The following MARVELD3 variants were observed in gnomAD, a reference collection of about 807,000 sequenced individuals.
MARVELD3 encodes the protein MARVEL domain-containing protein 3.
In MARVELD3, 28 loss-of-function variants were observed where a neutral mutation model predicts 33.5. The observed-to-expected ratio is 0.84, with a 90% CI of 0.62 to 1.15. MARVELD3 has a LOEUF of 1.15. MARVELD3 is among the 50% of genes most tolerant of loss of function. MARVELD3 has a pLI of 0.00. For missense variants in MARVELD3, 582 were observed against 547.6 expected (o/e 1.06, Z -0.63); for synonymous variants, 241 against 230.4 (o/e 1.05, Z -0.42).
At position 71,634,379 on chromosome 16, in the gene MARVELD3, A is replaced by C; in HGVS notation, c.782A>C (p.Gln261Pro). The C allele has an allele frequency of 6.2e-7, 1 of 1,614,226 alleles. No homozygotes were observed. The highest frequency in any genetic ancestry group is 1.1e-5 in the South Asian group (1 of 91,088). Residue 261 changes from glutamine to proline, a missense_variant, in exon 3 of 3, where the codon CAG becomes CCG. Transcript: ENST00000268485. ...DGEKAQQLDV[Q>P]FYQLKLPMVT... Reference sequence around the variant, plus strand: ...GAGAAGGCCCAGCAACTGGATGTCCAGTTCTACCAGCTAAAGCTGCCCATG... The same window carrying C: ...GAGAAGGCCCAGCAACTGGATGTCCCGTTCTACCAGCTAAAGCTGCCCATG...
downstream of MARVELD3, chr16:71,640,742 AG>A: frequency 1.2e-6 from 2 of 1,614,228 alleles, no homozygotes; most frequent in Non-Finnish European, 1.7e-6. Flanking sequence ...GCTACTGCAC[AG>A]GCATTGGTGT....
chr16:71,629,644 A>T (rs2145274198), intron 2 of MARVELD3, 150 bp downstream of exon 2: 1 of 319,598 alleles, frequency 3.1e-6, no homozygotes, highest in Non-Finnish European at 5.0e-6. Flanking sequence ...TGTTTTCTTA[A>T]AAAAAAAAAA....
intron 1 of MARVELD3, among the ~76,000 whole-genome samples, chr16:71,627,634 C>A (rs2145270832): frequency 6.6e-6 from 1 of 152,272 alleles, no homozygotes; most frequent in Admixed American, 6.5e-5. Flanking sequence ...TAGGCAGCGT[C>A]ATTCGAATCC....
chr16:71,634,997 T>G lies in MARVELD3; in HGVS notation c.*194T>G. On this transcript the variant is annotated 3_prime_UTR_variant, in exon 3 of 3. Transcript: ENST00000268485. ...CAACAGACCCTGGCTTCTGGAGTCC[T>G]CTGTGAGTGAGGGACCAATCAAAAT... 1 of 1,362,516 alleles carries G rather than the reference T, an allele frequency of 7.3e-7. No individual in the cohort carries two copies. Among genetic ancestry groups the G allele is most frequent in the Non-Finnish European group, 9.4e-7 (1 of 1,058,964 alleles). 84.4% of individuals were successfully genotyped at this position (1,362,516 alleles called of 1,614,324 possible). A position where few individuals can be genotyped will look rare whatever the true frequency, so the allele number is the denominator to read the frequency against.
downstream of MARVELD3, chr16:71,640,415 C>G: frequency 1.2e-6 from 2 of 1,614,060 alleles, no homozygotes; most frequent in Non-Finnish European, 1.7e-6. Context: ...TGGAGGTGGT[C>G]TTGAATGGGA....
At chr16:71,641,940 AAAT>A (rs1344667939) in exon 3 of MARVELD3, 1 of 152,204 alleles carries the variant, frequency 6.6e-6, no homozygotes, top group African/African-American at 2.4e-5. Flanking sequence ...TGAATCTTAA[AAAT>A]AAAGTTCTTT....
At chr16:71,633,819 G>A (rs2044555630) in intron 2 of MARVELD3, among the ~76,000 whole-genome samples, 1 of 152,070 alleles carries the variant, frequency 6.6e-6, no homozygotes, top group East Asian at 1.9e-4. Flanking sequence ...TTACAGGCGT[G>A]AGCCACCTCG....
intron 1 of MARVELD3, 117 bp from the exon 2 acceptor site, chr16:71,629,250 C>A: frequency 8.3e-7 from 1 of 1,199,142 alleles, no homozygotes; most frequent in African/African-American, 1.6e-5. Context: ...AATACCGGGA[C>A]AAATTCTATT....
chr16:71,640,560 G>T, downstream of MARVELD3: 1 of 1,614,208 alleles, frequency 6.2e-7, no homozygotes, highest in Non-Finnish European at 8.5e-7. Context: ...TCGGCAGCTG[G>T]ACCAGCAGTA....
chr16:71,634,280 G>C lies in MARVELD3; in HGVS notation c.683G>C (p.Gly228Ala), dbSNP rs867298559. The change falls in exon 3 of 3, where the codon GGC becomes GCC. Residue 228 changes from glycine (G) to alanine (A), a missense_variant. By Grantham distance (60) the Gly-to-Ala change is moderately conservative. Coordinates refer to ENST00000268485, the MANE Select transcript of MARVELD3 (RefSeq NM_052858.6). Reference protein sequence around the residue: ...VSYSSTGGYTGITSLGGIYYY... With the variant: ...VSYSSTGGYTAITSLGGIYYY... The stretch of plus-strand genomic sequence containing the variant: ...TACAGTTCCACAGGGGGCTACACGG[G>C]CATCACCAGCTTGGGGGGCATTTAC... 6.2e-7 allele frequency: 1 copy of C among 1,614,078 alleles called. No individual in the cohort carries two copies. The highest frequency in any genetic ancestry group is 8.5e-7 in the Non-Finnish European group (1 of 1,180,048).
chr16:71,641,009 G>C, downstream of MARVELD3: 1 of 1,608,304 alleles, frequency 6.2e-7, no homozygotes, highest in Admixed American at 1.7e-5. Flanking sequence ...CGGAATATCT[G>C]TGGTCTGGAA....
At position 71,635,785 on chromosome 16, in the gene MARVELD3, G is replaced by C. The variant is rs1375132077; in HGVS notation, c.*982G>C. 1.0e-6 allele frequency: 1 copy of C among 985,212 alleles called. No individual in the cohort carries two copies. The allele number at this position is 985,212 out of a possible 1,614,324, so 61.0% of individuals were successfully genotyped here. On this transcript the variant is annotated 3_prime_UTR_variant, in exon 3 of 3. Coordinates refer to ENST00000268485, the MANE Select transcript of MARVELD3 (RefSeq NM_052858.6). ...GCAAATGGAGGGGGTGGGGACTCTT[G>C]GGAAACTACTCCTGTAAAATTGAAG...
chr16:71,631,654 G>T (rs2044535222), intron 2 of MARVELD3, among the ~76,000 whole-genome samples: 1 of 152,024 alleles, frequency 6.6e-6, no homozygotes, highest in African/African-American at 2.4e-5. Flanking sequence ...TACCATGTTG[G>T]CCAGGCCGGT....
rs1597078023 is a variant in MARVELD3, at chr16:71,635,053, C to T, written c.*250C>T. 1 of 1,165,466 alleles carries T rather than the reference C, an allele frequency of 8.6e-7. No individual in the cohort carries two copies. Among genetic ancestry groups the T allele is most frequent in the South Asian group, 2.4e-5 (1 of 42,276 alleles). The allele number at this position is 1,165,466 out of a possible 1,614,324, so 72.2% of individuals were successfully genotyped here. On this transcript the variant is annotated 3_prime_UTR_variant, in exon 3 of 3. Transcript: ENST00000268485. Reference sequence around the variant, plus strand: ...TTCAAAAAGCAAAAAAATGGCCGGCCTCGGCGGCTCACACCTGTAACCCCA... The same window carrying T: ...TTCAAAAAGCAAAAAAATGGCCGGCTTCGGCGGCTCACACCTGTAACCCCA...
intron 1 of MARVELD3, among the ~76,000 whole-genome samples, chr16:71,627,546 A>C (rs1167873403): frequency 2.0e-5 from 3 of 151,920 alleles, no homozygotes; most frequent in Non-Finnish European, 4.4e-5. Context: ...TACATTTTTA[A>C]CCAAAGAACA....
At chr16:71,628,087 T>C (rs2044493220) in intron 1 of MARVELD3, among the ~76,000 whole-genome samples, 1 of 152,166 alleles carries the variant, frequency 6.6e-6, no homozygotes, top group Admixed American at 6.5e-5. Flanking sequence ...TTATGTTACA[T>C]TATCTAAAAC....
intron 2 of MARVELD3, among the ~76,000 whole-genome samples, chr16:71,633,248 G>A (rs2044549690): frequency 6.6e-6 from 1 of 152,026 alleles, no homozygotes; most frequent in Non-Finnish European, 1.5e-5. Flanking sequence ...TGTAGTCCCA[G>A]CTATGTGGGA....
chr16:71,633,039 A>G (rs1047614784), intron 2 of MARVELD3, among the ~76,000 whole-genome samples: 1 of 152,104 alleles, frequency 6.6e-6, no homozygotes, highest in African/African-American at 2.4e-5. Flanking sequence ...CTCTCCCCTT[A>G]CAAATTGTAT....
chr16:71,634,481 T>C lies in MARVELD3; in HGVS notation c.884T>C (p.Val295Ala), dbSNP rs369346859. The C allele has an allele frequency of 1.4e-4, 223 of 1,614,178 alleles. 5 individuals carry two copies. Among genetic ancestry groups the C allele is most frequent in the South Asian group, 1.4e-3 (124 of 91,076 alleles). Residue 295 changes from valine to alanine, a missense_variant, in exon 3 of 3, where the codon GTC becomes GCC. By Grantham distance (64) the Val-to-Ala change is moderately conservative (BLOSUM62 0). Transcript: ENST00000268485. ...CLFVAMGVLR[V>A]PWHCPLLLVT... ...TTCGTTGCCATGGGTGTCCTGCGGG[T>C]CCCGTGGCATTGTCCACTGTTGCTG...
Sources: allele counts gnomAD v4.1 joint callset (sites outside exome capture counted in the v4.1 genomes callset), GRCh38; gene constraint gnomAD v4.1.1; transcripts MANE v1.5; gene names NCBI Gene and HGNC (gene_info 2026-07-23, HGNC 2026-07-21).